The following GLIS3 variants were observed in gnomAD, a reference collection of about 807,000 sequenced individuals.
GLIS3 encodes the protein GLIS family zinc finger 3.
In GLIS3, 53 loss-of-function variants were observed where a neutral mutation model predicts 78.6. The ratio of observed to expected loss-of-function variants is 0.67; its 90% CI spans 0.54 to 0.85. The LOEUF (loss-of-function observed/expected upper bound fraction) is 0.85. GLIS3 is among the 40% of genes least tolerant of loss of function. GLIS3 has a pLI of 0.00. For missense variants in GLIS3, 1,703 were observed against 1,231.1 expected, an observed-to-expected ratio of 1.38 and a Z score of -5.74; for synonymous variants, 684 against 509.9, an observed-to-expected ratio of 1.34 and a Z score of -4.60.
chr9:4,252,831 C>G (rs747302469), intron 2 of GLIS3, among the ~76,000 whole-genome samples: 10 of 152,120 alleles, frequency 6.6e-5, no homozygotes, highest in Admixed American at 3.9e-4. Context: ...GATGCTATTC[C>G]TTTCTGTTTG....
At chr9:4,238,537 G>A (rs980213405) in intron 2 of GLIS3, among the ~76,000 whole-genome samples, 1 of 152,144 alleles carries the variant, frequency 6.6e-6, no homozygotes, top group African/African-American at 2.4e-5. Context: ...AACCACCGTG[G>A]CTACCTGAAC....
the GLIS3 span, among the ~76,000 whole-genome samples, chr9:4,401,238 G>C: frequency 1.3e-5 from 2 of 152,014 alleles, no homozygotes; most frequent in African/African-American, 2.4e-5. Context: ...TGACAGAAGA[G>C]ATCTTGGGTT....
chr9:4,272,355 A>G (rs145033869), intron 2 of GLIS3, among the ~76,000 whole-genome samples: 181 of 152,218 alleles, frequency 1.2e-3, no homozygotes, highest in African/African-American at 4.2e-3. Flanking sequence ...TCAGGAAATC[A>G]CTCCCAATTG....
At chr9:4,203,982 G>T (rs1819628249) in intron 2 of GLIS3, among the ~76,000 whole-genome samples, 1 of 152,088 alleles carries the variant, frequency 6.6e-6, no homozygotes, top group African/African-American at 2.4e-5. Flanking sequence ...ATGGGGCAAG[G>T]GTTGAAAAAC....
the GLIS3 span, among the ~76,000 whole-genome samples, chr9:4,383,997 T>A: frequency 1.3e-3 from 200 of 152,304 alleles, 1 homozygote; most frequent in Non-Finnish European, 2.2e-3. Context: ...TACCCCCACT[T>A]CTCAGGGAGT....
the GLIS3 span, among the ~76,000 whole-genome samples, chr9:4,478,160 TG>T: frequency 2.0e-5 from 3 of 152,106 alleles, no homozygotes; most frequent in African/African-American, 7.2e-5. Flanking sequence ...TTGAAACAAG[TG>T]GTTGTTTAAA....
chr9:3,932,054 C>T (rs1199772971), intron 6 of GLIS3, among the ~76,000 whole-genome samples: 1 of 152,128 alleles, frequency 6.6e-6, no homozygotes, highest in Non-Finnish European at 1.5e-5. Context: ...CTTTTTGTTG[C>T]TTTCCAGTTT....
At chr9:4,435,485 T>C in the GLIS3 span, among the ~76,000 whole-genome samples, 1 of 152,204 alleles carries the variant, frequency 6.6e-6, no homozygotes, top group African/African-American at 2.4e-5. Context: ...CCGCATCTCC[T>C]GACCCTTGTC....
At chr9:3,936,399 T>A (rs1203386603) in intron 5 of GLIS3, among the ~76,000 whole-genome samples, 3 of 152,082 alleles carry the variant, frequency 2.0e-5, no homozygotes, top group Admixed American at 2.0e-4. Flanking sequence ...ATAATGAAAA[T>A]CAATTGTTCT....
At chr9:4,397,311 C>A in the GLIS3 span, among the ~76,000 whole-genome samples, 1 of 151,194 alleles carries the variant, frequency 6.6e-6, no homozygotes, top group African/African-American at 2.4e-5. Context: ...AGGCGTGAGC[C>A]ACCACACCCT....
intron 2 of GLIS3, among the ~76,000 whole-genome samples, chr9:4,167,560 A>G (rs1815975503): frequency 6.6e-6 from 1 of 152,182 alleles, no homozygotes; most frequent in Admixed American, 6.5e-5. Context: ...CTGGTACACA[A>G]CAGGTGCCCA....
chr9:4,146,714 A>T (rs1834250741), intron 2 of GLIS3, among the ~76,000 whole-genome samples: 1 of 152,222 alleles, frequency 6.6e-6, no homozygotes, highest in African/African-American at 2.4e-5. Flanking sequence ...AATAAACTTC[A>T]TCTCAAACGC....
chr9:4,036,039 C>T (rs1824268408), intron 4 of GLIS3: 2 of 152,216 alleles, frequency 1.3e-5, no homozygotes, highest in African/African-American at 4.8e-5. Flanking sequence ...CTGTAGGTTT[C>T]AGTTTGCCTG....
chr9:4,287,892 T>C (rs1436810130), intron 1 of GLIS3, among the ~76,000 whole-genome samples: 2 of 152,248 alleles, frequency 1.3e-5, no homozygotes, highest in East Asian at 3.8e-4. Context: ...TCAAAAGTAA[T>C]TAACAATATA....
intron 2 of GLIS3, among the ~76,000 whole-genome samples, chr9:4,215,052 T>A (rs1362899420): frequency 2.0e-5 from 3 of 152,200 alleles, no homozygotes; most frequent in African/African-American, 7.2e-5. Flanking sequence ...GCTCTACCCT[T>A]ACAGCATTAC....
chr9:4,117,162 T>C (rs1021813058), intron 4 of GLIS3, among the ~76,000 whole-genome samples: 10 of 152,174 alleles, frequency 6.6e-5, no homozygotes, highest in Non-Finnish European at 1.3e-4. Context: ...TAAAATTAGT[T>C]AGGATCCTGT....
intron 9 of GLIS3, among the ~76,000 whole-genome samples, chr9:3,832,941 C>G (rs1382851627): frequency 3.3e-5 from 5 of 152,196 alleles, no homozygotes; most frequent in Non-Finnish European, 7.3e-5. Flanking sequence ...TTTATTCACC[C>G]TTTCCTATCT....
At chr9:4,311,840 A>C (rs1817364862) in intron 2 of GLIS3, among the ~76,000 whole-genome samples, 1 of 152,224 alleles carries the variant, frequency 6.6e-6, no homozygotes. Context: ...TGATGTCTTC[A>C]TTTTTAGAGT....
intron 1 of GLIS3, among the ~76,000 whole-genome samples, chr9:4,298,869 G>A (rs1816853072): frequency 6.6e-6 from 1 of 152,284 alleles, no homozygotes; most frequent in Non-Finnish European, 1.5e-5. Flanking sequence ...CGGCTTGGAT[G>A]AGACACAGGC....
Sources: allele counts gnomAD v4.1 joint callset (sites outside exome capture counted in the v4.1 genomes callset), GRCh38; gene constraint gnomAD v4.1.1; transcripts MANE v1.5; gene names NCBI Gene and HGNC (gene_info 2026-07-23, HGNC 2026-07-21).